Variants in COL5A2 observed in about 807,000 individuals in gnomAD.
COL5A2 encodes collagen alpha-2(V) chain.
Under a neutral mutation model 208.2 loss-of-function variants are expected in COL5A2, and 23 were observed. The ratio of observed to expected loss-of-function variants is 0.11; its 90% confidence interval spans 0.08 to 0.16. The LOEUF (loss-of-function observed/expected upper bound fraction) is 0.16, where lower values mean the gene tolerates loss of function less well. Among genes scored for constraint, COL5A2 ranks in the 10% least tolerant of loss-of-function variants. The pLI is 1.00. For synonymous variants in COL5A2, 625 were observed against 628.5 expected (o/e 0.99, Z 0.08); for missense variants, 1,590 against 1,956.4 (o/e 0.81, Z 3.53).
At chr2:189,066,806 G>T (rs1271744998) in intron 21 of COL5A2, 24 bp from the exon 22 acceptor site, 1 of 1,590,988 alleles carries the variant, frequency 6.3e-7, no homozygotes, top group Admixed American at 1.7e-5. Flanking sequence ...ATTGATATTT[G>T]TAAGAACCAG....
chr2:189,347,297 C>T, the COL5A2 span, among the ~76,000 whole-genome samples: 26 of 151,908 alleles, frequency 1.7e-4, no homozygotes, highest in African/African-American at 2.4e-4. Context: ...ATTATGGGGA[C>T]GCTTACATGA....
At chr2:189,073,224 C>T (rs932063358) in intron 17 of COL5A2, among the ~76,000 whole-genome samples, 35 of 151,822 alleles carry the variant, frequency 2.3e-4, no homozygotes, top group African/African-American at 8.0e-4. Flanking sequence ...ATTTTCTTTT[C>T]TTGGTGTTTT....
the COL5A2 span, among the ~76,000 whole-genome samples, chr2:189,302,796 C>G: frequency 6.6e-6 from 1 of 152,146 alleles, no homozygotes; most frequent in Non-Finnish European, 1.5e-5. Context: ...GTCTGTCAGT[C>G]CCCTAGTAGC....
Position 189,053,480 on chromosome 2 carries a change from A to C in COL5A2, c.2500-3T>G, listed in dbSNP as rs757945383. 6.2e-7 allele frequency: 1 copy of C among 1,613,214 alleles called. No homozygotes were observed. The stretch of plus-strand genomic sequence containing the variant: ...GGCCCATTTTCACCTCGAGAACCCT[A>C]GGAGGAGACAAAGATTACTGTAGCT... On this transcript the variant is annotated splice_region_variant and splice_polypyrimidine_tract_variant and intron_variant, in intron 37 of 53. Transcript: ENST00000374866.
the COL5A2 span, among the ~76,000 whole-genome samples, chr2:189,323,461 A>C: frequency 5.3e-5 from 8 of 152,168 alleles, no homozygotes; most frequent in Non-Finnish European, 8.8e-5. Flanking sequence ...CTGATAAGCA[A>C]CTTCAGCAAA....
chr2:189,365,781 T>C, the COL5A2 span, among the ~76,000 whole-genome samples: 1 of 152,324 alleles, frequency 6.6e-6, no homozygotes, highest in African/African-American at 2.4e-5. Context: ...ATTTAGGATA[T>C]ATGGATTGAT....
Position 189,072,079 on chromosome 2 carries a change from T to C in COL5A2, c.1119A>G (p.Ile373Met), listed in dbSNP as rs549816384. ...TTCCTGGAAAACCAGAAGAGCCTGGTATCCCAAGAGGACCCTATTAAAAGA... is the reference window on the plus strand; with the variant it reads ...TTCCTGGAAAACCAGAAGAGCCTGGCATCCCAAGAGGACCCTATTAAAAGA... ...GKPGPMGPLG[I>M]PGSSGFPGNP... The change falls in exon 18 of 54, where the codon ATA becomes ATG. Residue 373 changes from isoleucine to methionine, a missense_variant. Ile to Met is a conservative substitution (Grantham distance 10). Coordinates refer to ENST00000374866, the MANE Select transcript of COL5A2 (RefSeq NM_000393.5). 3.7e-6 allele frequency: 6 copies of C among 1,608,890 alleles called. No individual in the cohort carries two copies. Among genetic ancestry groups the C allele is most frequent in the Admixed American group, 1.7e-5 (1 of 59,726 alleles).
intron 1 of COL5A2, among the ~76,000 whole-genome samples, chr2:189,161,799 A>C (rs1223085746): frequency 6.6e-6 from 1 of 152,206 alleles, no homozygotes; most frequent in Non-Finnish European, 1.5e-5. Flanking sequence ...ATTTACAATA[A>C]ATGTTATTTA....
intron 1 of COL5A2, among the ~76,000 whole-genome samples, chr2:189,144,409 T>C (rs1687998470): frequency 6.6e-6 from 1 of 152,042 alleles, no homozygotes; most frequent in Non-Finnish European, 1.5e-5. Flanking sequence ...AATTTTGAAT[T>C]AGAGAACTGG....
chr2:189,344,036 G>A, the COL5A2 span, among the ~76,000 whole-genome samples: 9 of 152,034 alleles, frequency 5.9e-5, no homozygotes, highest in Non-Finnish European at 5.9e-5. Flanking sequence ...CTTAATTTAC[G>A]ACCACTATTT....
At chr2:189,297,999 A>G in the COL5A2 span, among the ~76,000 whole-genome samples, 1 of 152,188 alleles carries the variant, frequency 6.6e-6, no homozygotes, top group Admixed American at 6.5e-5. Context: ...TCCAATGTAA[A>G]GTTGCAATCT....
rs77413180 is a variant in COL5A2, at chr2:189,033,647, G to A, written c.*423C>T. On this transcript the variant is annotated 3_prime_UTR_variant, in exon 54 of 54. Transcript: ENST00000374866. ...CACTAATTTCTATTTTTCAACTGCA[G>A]CCAAGCAAAATAAACATGTGTTGTG... 0.01 allele frequency: 1,949 copies of A among 189,676 alleles called. 51 individuals carry two copies. Among genetic ancestry groups the A allele is most frequent in the African/African-American group, 0.042 (1,785 of 42,384 alleles). The allele number at this position is 189,676 out of a possible 1,614,324, so 11.7% of individuals were successfully genotyped here. A position where few individuals can be genotyped will look rare whatever the true frequency, so the allele number is the denominator to read the frequency against.
chr2:189,084,834 T>A (rs1285206647), intron 11 of COL5A2, among the ~76,000 whole-genome samples: 1 of 152,180 alleles, frequency 6.6e-6, no homozygotes, highest in East Asian at 1.9e-4. Flanking sequence ...AGCAACATAT[T>A]TTTTCTTTCA....
chr2:189,419,861 TGAGAGGAGAGGAGGAGGAGGAG>T, the COL5A2 span, among the ~76,000 whole-genome samples: 4 of 105,668 alleles, frequency 3.8e-5, no homozygotes, highest in Non-Finnish European at 7.6e-5. Context: ...GGAAAAGAGG[TGAGAGGAGAGGAGGAGGAGGAG>T]GAGAGGAGAG....
At position 189,053,877 on chromosome 2, in the gene COL5A2, C is replaced by T. The variant is rs1275018864; in HGVS notation, c.2499+18G>A. ...TGCTCAATCTCACACTAAAGAACAC[C>T]AAAATACTGTCACTTACAGGATTGC... On this transcript the variant is annotated intron_variant, in intron 37 of 53. Coordinates refer to ENST00000374866, the MANE Select transcript of COL5A2 (RefSeq NM_000393.5). The T allele has an allele frequency of 6.2e-7, 1 of 1,608,416 alleles. No individual in the cohort carries two copies. The highest frequency in any genetic ancestry group is 2.2e-5 in the East Asian group (1 of 44,814).
At chr2:189,244,817 T>A in the COL5A2 span, among the ~76,000 whole-genome samples, 1 of 152,222 alleles carries the variant, frequency 6.6e-6, no homozygotes, top group Non-Finnish European at 1.5e-5. Context: ...TTAGTCCATT[T>A]TCACTCTGCC....
upstream of COL5A2, among the ~76,000 whole-genome samples, chr2:189,226,400 G>C (rs1026665194): frequency 6.6e-6 from 1 of 152,062 alleles, no homozygotes; most frequent in Non-Finnish European, 1.5e-5. Flanking sequence ...CCAGTTAAGA[G>C]GCACCTGCAT....
At chr2:189,404,765 T>C in the COL5A2 span, among the ~76,000 whole-genome samples, 1 of 152,170 alleles carries the variant, frequency 6.6e-6, no homozygotes, top group Non-Finnish European at 1.5e-5. Context: ...GACTCATACA[T>C]CCAGAGGTAC....
At chr2:189,272,666 TA>T in the COL5A2 span, among the ~76,000 whole-genome samples, 7 of 150,168 alleles carry the variant, frequency 4.7e-5, no homozygotes, top group African/African-American at 1.2e-4. Context: ...ATAATTTTTT[TA>T]AAAAAAATCT....
Sources: gnomAD v4.1 joint callset for allele counts (sites outside exome capture counted in the v4.1 genomes callset) on GRCh38, gnomAD v4.1.1 for gene constraint, MANE v1.5 for transcripts, NCBI Gene and HGNC (gene_info 2026-07-23, HGNC 2026-07-21) for gene names.